The following RARB variants were observed in gnomAD, a reference collection of about 807,000 sequenced individuals.
The protein encoded by RARB is retinoic acid receptor beta, also known as HBV-activated protein.
Under a neutral mutation model 51.9 loss-of-function variants are expected in RARB, and 17 were observed. The ratio of observed to expected loss-of-function variants is 0.33; its 90% CI spans 0.22 to 0.49. RARB has a LOEUF of 0.49. RARB is among the 20% of genes least tolerant of loss of function. The pLI is 0.99. For synonymous variants in RARB, 215 were observed against 195.4 expected (o/e 1.10, Z -0.84); for missense variants, 369 against 550.8 (o/e 0.67, Z 3.30).
At chr3:24,922,349 C>T (rs1197879548) in intron 2 of RARB, among the ~76,000 whole-genome samples, 1 of 152,192 alleles carries the variant, frequency 6.6e-6, no homozygotes, top group Non-Finnish European at 1.5e-5. Context: ...CCTCTGACTG[C>T]ATTCTTTATC....
chr3:25,328,738 G>T (rs116196210), intron 5 of RARB, among the ~76,000 whole-genome samples: 1 of 152,150 alleles, frequency 6.6e-6, no homozygotes, highest in South Asian at 2.1e-4. Context: ...CACTGCACCC[G>T]GGAAGCACAA....
intron 5 of RARB, among the ~76,000 whole-genome samples, chr3:25,209,024 C>T (rs754090994): frequency 7.9e-5 from 12 of 152,150 alleles, no homozygotes; most frequent in South Asian, 2.1e-4. Flanking sequence ...GTTGCGACGA[C>T]GAGGGATTTA....
intron 5 of RARB, among the ~76,000 whole-genome samples, chr3:25,251,503 A>T (rs1298426150): frequency 6.6e-6 from 1 of 152,038 alleles, no homozygotes; most frequent in African/African-American, 2.4e-5. Flanking sequence ...GAGCATTCTA[A>T]TTTCTCCATA....
chr3:25,564,577 C>A (rs1700409213), intron 3 of RARB, among the ~76,000 whole-genome samples: 1 of 152,114 alleles, frequency 6.6e-6, no homozygotes, highest in South Asian at 2.1e-4. Context: ...ACATATAGGC[C>A]CTGACAGTGG....
At chr3:25,051,435 A>G (rs1698330331) in intron 2 of RARB, among the ~76,000 whole-genome samples, 1 of 152,168 alleles carries the variant, frequency 6.6e-6, no homozygotes, top group Non-Finnish European at 1.5e-5. Context: ...CCTAAAAACC[A>G]AAGTAGAATC....
intron 5 of RARB, among the ~76,000 whole-genome samples, chr3:25,254,315 A>C (rs1292305910): frequency 1.3e-5 from 2 of 152,190 alleles, no homozygotes; most frequent in African/African-American, 4.8e-5. Context: ...AACAGTTGAA[A>C]AAGATTTACT....
intron 2 of RARB, among the ~76,000 whole-genome samples, chr3:25,490,555 C>T (rs1401113406): frequency 6.6e-6 from 1 of 152,168 alleles, no homozygotes; most frequent in Non-Finnish European, 1.5e-5. Context: ...TTGGCTCTCT[C>T]TCCTTCTGCT....
At chr3:25,498,985 A>G (rs374645457) in intron 2 of RARB, among the ~76,000 whole-genome samples, 2 of 152,328 alleles carry the variant, frequency 1.3e-5, no homozygotes, top group African/African-American at 2.4e-5. Flanking sequence ...TTGTAGTTCC[A>G]GTGGCACAAA....
At chr3:25,506,284 T>C (rs1188842100) in intron 3 of RARB, among the ~76,000 whole-genome samples, 1 of 149,974 alleles carries the variant, frequency 6.7e-6, no homozygotes, top group East Asian at 2.0e-4. Context: ...AAACCAGCTC[T>C]TTTTTAAAAG....
chr3:25,081,499 C>T (rs1214038699), intron 3 of RARB, among the ~76,000 whole-genome samples: 2 of 144,538 alleles, frequency 1.4e-5, no homozygotes, highest in African/African-American at 2.5e-5. Context: ...TGTATCAGCT[C>T]CTGAGAGAAG....
chr3:25,253,150 C>G (rs751140482), intron 5 of RARB, among the ~76,000 whole-genome samples: 140 of 152,284 alleles, frequency 9.2e-4, no homozygotes, highest in Non-Finnish European at 1.7e-3. Context: ...CTGTCAACTA[C>G]TAGTACTACC....
intron 5 of RARB, among the ~76,000 whole-genome samples, chr3:25,281,249 A>C (rs959502376): frequency 2.6e-5 from 4 of 152,204 alleles, no homozygotes; most frequent in African/African-American, 4.8e-5. Context: ...CCCTGGGAAC[A>C]GTTTAGTCAC....
chr3:25,494,572 T>C (rs1235238689), intron 2 of RARB, among the ~76,000 whole-genome samples: 3 of 152,200 alleles, frequency 2.0e-5, no homozygotes, highest in African/African-American at 4.8e-5. Context: ...TCGCACTGCT[T>C]GGTGGCATCT....
chr3:25,211,109 A>G (rs73147390), intron 5 of RARB, among the ~76,000 whole-genome samples: 262 of 152,330 alleles, frequency 1.7e-3, no homozygotes, highest in African/African-American at 5.7e-3. Flanking sequence ...CTGTTAACAA[A>G]TATTAACTTT....
chr3:24,840,685 T>G (rs936110881), intron 1 of RARB, among the ~76,000 whole-genome samples: 1 of 149,720 alleles, frequency 6.7e-6, no homozygotes, highest in Non-Finnish European at 1.5e-5. Flanking sequence ...ATGTAAATGG[T>G]TAGTATTTGC....
intron 5 of RARB, among the ~76,000 whole-genome samples, chr3:25,350,937 T>C (rs956581814): frequency 3.3e-5 from 5 of 152,198 alleles, no homozygotes; most frequent in African/African-American, 1.2e-4. Flanking sequence ...ACATCAATCA[T>C]GGGGTTAGAG....
chr3:24,879,432 A>AT (rs1437447397), intron 2 of RARB, among the ~76,000 whole-genome samples: 5 of 98,652 alleles, frequency 5.1e-5, no homozygotes, highest in Non-Finnish European at 6.7e-5. Context: ...CTGTCTCAAA[A>AT]TTAAAAAAAA....
rs186730770 is a variant in RARB at position 24,870,841 on chromosome 3, G to A, written c.-380+12089G>A. Among the ~76,000 whole-genome samples the A allele has an allele frequency of 2.3e-3, 354 of 152,024 alleles. 1 individual carries two copies. The highest frequency in any genetic ancestry group is 8.1e-3 in the African/African-American group (335 of 41,476). ...GTGTGATAATCACATTGGGGTAATT[G>A]GGAGATCCATCACCTCAAGCGTTTG... On this transcript the variant is annotated intron_variant, in intron 2 of 11. Transcript: ENST00000383772.
chr3:25,248,544 T>C (rs1294933909), intron 5 of RARB, among the ~76,000 whole-genome samples: 3 of 152,228 alleles, frequency 2.0e-5, no homozygotes, highest in Non-Finnish European at 4.4e-5. Flanking sequence ...GTGTTTTTTA[T>C]ACTTTTGTGA....
Sources: allele counts gnomAD v4.1 joint callset (sites outside exome capture counted in the v4.1 genomes callset), GRCh38; gene constraint gnomAD v4.1.1; transcripts MANE v1.5; gene names NCBI Gene and HGNC (gene_info 2026-07-23, HGNC 2026-07-21).